SBNO2: variants seen among roughly 807,000 people sequenced by gnomAD.
SBNO2 encodes the protein strawberry notch homolog 2, also known as protein strawberry notch homolog 2.
In SBNO2, 89 loss-of-function variants were observed where a neutral mutation model predicts 146.3. That is an observed-to-expected ratio of 0.61 (90% CI 0.51 to 0.73). The LOEUF is 0.73. SBNO2 is among the 30% of genes least tolerant of loss of function. SBNO2 has a pLI of 0.00. For synonymous variants in SBNO2, 1,147 were observed against 892.6 expected (o/e 1.29, Z -5.08); for missense variants, 2,092 against 2,003.7 (o/e 1.04, Z -0.84).
At chr19:1,153,136 A>G (rs947218094) in intron 2 of SBNO2, among the ~76,000 whole-genome samples, 2 of 151,926 alleles carry the variant, frequency 1.3e-5, no homozygotes, top group East Asian at 1.9e-4. Context: ...CCTGGGCAAC[A>G]GAGTGAAACC....
At chr19:1,132,296 G>A in intron 4 of SBNO2, 1 of 1,311,950 alleles carries the variant, frequency 7.6e-7, no homozygotes, top group Non-Finnish European at 9.7e-7. Flanking sequence ...CGCCGCCGGC[G>A]CCTACTTCCT....
intron 4 of SBNO2, among the ~76,000 whole-genome samples, chr19:1,133,436 C>T (rs1467755774): frequency 2.0e-5 from 3 of 152,096 alleles, no homozygotes; most frequent in African/African-American, 4.8e-5. Context: ...GCCCTCAAAC[C>T]CTGTGCACTC....
Position 1,109,785 on chromosome 19 carries a change from G to A in SBNO2, c.3029-8C>T, listed in dbSNP as rs1191234983. The A allele has an allele frequency of 2.5e-6, 4 of 1,571,482 alleles. No homozygotes were observed. The highest frequency in any genetic ancestry group is 1.3e-5 in the African/African-American group (1 of 74,306). ...CGATACCGGGAGCAAGGTCTAGGGG[G>A]GCGGGTGGAGGGTAAGTGGTGTCCA... On this transcript the variant is annotated splice_region_variant and splice_polypyrimidine_tract_variant and intron_variant, in intron 26 of 31. Coordinates refer to ENST00000361757, the MANE Select transcript of SBNO2 (RefSeq NM_014963.3). The surrounding 1 kb of genome is among the most constrained non-coding windows in gnomAD (Gnocchi z 4.2).
At chr19:1,120,089 AC>A in intron 11 of SBNO2, 66 bp from the exon 12 acceptor site, 2 of 1,243,566 alleles carry the variant, frequency 1.6e-6, no homozygotes, top group Non-Finnish European at 2.3e-6. Context: ...CCAGGTCCTG[AC>A]CACCCAAGAC....
rs2079740375 is a variant in SBNO2 at position 1,110,296 on chromosome 19, C to T, written c.3028+449G>A. ...AGGCCTGGCCCCATGAGGCTGGAAG[C>T]ACAGGCTCGCCGGCCTTTCGTTCAC... On this transcript the variant is annotated intron_variant, in intron 26 of 31. Coordinates refer to ENST00000361757, the MANE Select transcript of SBNO2 (RefSeq NM_014963.3). The surrounding 1 kb of genome is among the most constrained non-coding windows in gnomAD (Gnocchi z 4.9). Among the ~76,000 whole-genome samples the T allele has an allele frequency of 1.3e-5, 2 of 152,150 alleles. No individual in the cohort carries two copies. Among genetic ancestry groups the T allele is most frequent in the South Asian group, 4.1e-4 (2 of 4,834 alleles).
At position 1,149,456 on chromosome 19, in the gene SBNO2, C is replaced by G. The variant is rs773561176; in HGVS notation, c.94-14G>C. 7.1e-6 allele frequency: 11 copies of G among 1,549,988 alleles called. No homozygotes were observed. The East Asian group carries it at 2.2e-4, about 31-fold the overall frequency. On this transcript the variant is annotated splice_polypyrimidine_tract_variant and intron_variant, in intron 2 of 31. Coordinates refer to ENST00000361757, the MANE Select transcript of SBNO2 (RefSeq NM_014963.3). ...CAGCATGGCGCTCTAGAAGAGACAG[C>G]GGGCATCAGTGAGTGGGAAGCAGAG...
chr19:1,130,691 C>A (rs1263531716), intron 4 of SBNO2, among the ~76,000 whole-genome samples: 1 of 152,066 alleles, frequency 6.6e-6, no homozygotes, highest in African/African-American at 2.4e-5. Context: ...ACTCAGGAGG[C>A]TGAGGTGGGA....
chr19:1,119,299 G>C lies in SBNO2; in HGVS notation c.1374-135C>G. ...GCCCTGGCGGCCACTGAGGCAGTTG[G>C]CAGCTGAGCCTGGCGGGGACGGGGC... On this transcript the variant is annotated intron_variant, in intron 13 of 31. Coordinates refer to ENST00000361757, the MANE Select transcript of SBNO2 (RefSeq NM_014963.3). 4 of 1,157,174 alleles carry C rather than the reference G, an allele frequency of 3.5e-6. No individual in the cohort carries two copies. In the South Asian group the frequency reaches 6.0e-5, roughly 17 times the overall value. 71.7% of individuals were successfully genotyped at this position (1,157,174 alleles called of 1,614,324 possible).
Position 1,108,038 on chromosome 19 carries a change from G to T in SBNO2, c.*182C>A. 1 of 536,652 alleles carries T rather than the reference G, an allele frequency of 1.9e-6. No individual in the cohort carries two copies. The highest frequency in any genetic ancestry group is 3.0e-6 in the Non-Finnish European group (1 of 337,568). 33.2% of individuals were successfully genotyped at this position (536,652 alleles called of 1,614,324 possible). A position where few individuals can be genotyped will look rare whatever the true frequency, so the allele number is the denominator to read the frequency against. On this transcript the variant is annotated 3_prime_UTR_variant, in exon 32 of 32. Transcript: ENST00000361757. ...CCCTGCCACGCCCCGGCCCCCAGCT[G>T]TCCTGAGTGGGCCCCGCCAGGGCTG... is the stretch of plus-strand genomic sequence containing the variant.
rs1332061428 is a variant in SBNO2 at position 1,123,767 on chromosome 19, T to C, written c.523-128A>G. On this transcript the variant is annotated intron_variant, in intron 6 of 31. Coordinates refer to ENST00000361757, the MANE Select transcript of SBNO2 (RefSeq NM_014963.3). ...GACCCAGGGGTGGGAGACGGCTCTGTCTGCCCCTGCAGCAAGGTGCTCCCC... is the reference window on the plus strand; with the variant it reads ...GACCCAGGGGTGGGAGACGGCTCTGCCTGCCCCTGCAGCAAGGTGCTCCCC... The C allele has an allele frequency of 1.8e-4, 195 of 1,098,030 alleles. No homozygotes were observed. The East Asian group carries it at 5.0e-3, about 28-fold the overall frequency. The allele number at this position is 1,098,030 out of a possible 1,614,324, so 68.0% of individuals were successfully genotyped here. A position where few individuals can be genotyped will look rare whatever the true frequency, so the allele number is the denominator to read the frequency against.
intron 10 of SBNO2, 69 bp from the exon 11 acceptor site, chr19:1,122,351 T>G: frequency 6.0e-6 from 9 of 1,510,202 alleles, no homozygotes; most frequent in Non-Finnish European, 8.0e-6. Context: ...GGTCTCCCTA[T>G]CTGTAAGGGT....
chr19:1,127,894 C>T lies in SBNO2; in HGVS notation c.280-129G>A, dbSNP rs533072682. The T allele has an allele frequency of 5.0e-6, 4 of 797,916 alleles. No homozygotes were observed. The South Asian group carries it at 5.1e-5, about 10-fold the overall frequency. 49.4% of individuals were successfully genotyped at this position (797,916 alleles called of 1,614,324 possible). A position where few individuals can be genotyped will look rare whatever the true frequency, so the allele number is the denominator to read the frequency against. On this transcript the variant is annotated intron_variant, in intron 4 of 31. Coordinates refer to ENST00000361757, the MANE Select transcript of SBNO2 (RefSeq NM_014963.3). ...CTGGAGCATGTGGGAATGGGAGACA[C>T]CACGGCCCTCCCAGGTTCAAGCAAT...
rs1221702021 is a variant in SBNO2, at chr19:1,117,345, C to A, written c.1682G>T (p.Arg561Leu). 11 of 1,575,006 alleles carry A rather than the reference C, an allele frequency of 7.0e-6. No individual in the cohort carries two copies. Among genetic ancestry groups the A allele is most frequent in the Non-Finnish European group, 9.5e-6 (11 of 1,161,744 alleles). Residue 561 changes from arginine to leucine, a missense_variant, in exon 15 of 32, where the codon CGA becomes CTA. Transcript: ENST00000361757. ...AKVRRLVELA[R>L]EELARDKCVV... ...CACCTTGTCTCGCGCCAGCTCCTCT[C>A]GGGCCAGCTCCACCAGCCGGCGCAC...
intron 1 of SBNO2, among the ~76,000 whole-genome samples, chr19:1,164,230 G>T (rs944991481): frequency 6.6e-6 from 1 of 152,202 alleles, no homozygotes; most frequent in East Asian, 1.9e-4. Context: ...TCCCAAGCTC[G>T]GAGATGGCCA....
chr19:1,118,927 C>T (rs897829716), intron 14 of SBNO2, 84 bp downstream of exon 14: 113 of 1,411,598 alleles, frequency 8.0e-5, no homozygotes, highest in Middle Eastern at 1.9e-4. Context: ...CACCTGATGA[C>T]GCCTGTGGCA....
At chr19:1,113,392 G>A (rs569339684) in intron 19 of SBNO2, 143 bp downstream of exon 19, 5 of 752,730 alleles carry the variant, frequency 6.6e-6, no homozygotes, top group East Asian at 3.0e-5. Context: ...CTGCCCCAGG[G>A]CTCCCCAAAC....
Position 1,110,696 on chromosome 19 carries a change from A to C in SBNO2, c.3028+49T>G, listed in dbSNP as rs376433678. Reference sequence around the variant, plus strand: ...ACCCAGGATGCATGGCGTTCCCACGAGCCCCGCACCCACACCCACCCACAC... The same window carrying C: ...ACCCAGGATGCATGGCGTTCCCACGCGCCCCGCACCCACACCCACCCACAC... On this transcript the variant is annotated intron_variant, in intron 26 of 31. Transcript: ENST00000361757. The surrounding 1 kb of genome is among the most constrained non-coding windows in gnomAD (Gnocchi z 4.9). The C allele has an allele frequency of 2.5e-6, 4 of 1,593,622 alleles. No individual in the cohort carries two copies. The highest frequency in any genetic ancestry group is 3.4e-6 in the Non-Finnish European group (4 of 1,167,116).
intron 11 of SBNO2, among the ~76,000 whole-genome samples, chr19:1,121,389 C>T (rs1303554808): frequency 6.6e-6 from 1 of 152,190 alleles, no homozygotes; most frequent in Non-Finnish European, 1.5e-5. Context: ...AGCAGTCTCC[C>T]GTTCTGTTTC....
At chr19:1,119,759 T>C (rs2079877767) in intron 12 of SBNO2, 138 bp from the exon 13 acceptor site, 7 of 968,820 alleles carry the variant, frequency 7.2e-6, no homozygotes, top group East Asian at 5.2e-5. Flanking sequence ...AGCGTGGCCT[T>C]GGGACAGGCG....
Sources: gnomAD v4.1 joint callset for allele counts (sites outside exome capture counted in the v4.1 genomes callset) on GRCh38, gnomAD v4.1.1 for gene constraint, Gnocchi (gnomAD v3.1) non-coding constraint, MANE v1.5 for transcripts, NCBI Gene and HGNC (gene_info 2026-07-23, HGNC 2026-07-21) for gene names.